The following NEXMIF variants were observed in gnomAD, a reference collection of about 807,000 sequenced individuals.
NEXMIF encodes the protein neurite extension and migration factor, also known as XLMR protein related to neurite extension.
A neutral mutation model predicts 62.1 loss-of-function variants in NEXMIF; 8 were observed. The observed-to-expected ratio is 0.13, with a 90% CI of 0.08 to 0.23. The LOEUF (loss-of-function observed/expected upper bound fraction) is 0.23, where lower values mean the gene tolerates loss of function less well. Among genes scored for constraint, NEXMIF ranks in the 10% least tolerant of loss-of-function variants. NEXMIF has a pLI of 1.00. For missense variants in NEXMIF, 976 were observed against 1,113.3 expected (o/e 0.88, Z 1.75); for synonymous variants, 404 against 416.6 (o/e 0.97, Z 0.37).
At chrX:74,823,912 A>T (rs2080405972) in intron 1 of NEXMIF, among the ~76,000 whole-genome samples, 1 of 111,867 alleles carries the variant, frequency 8.9e-6, no homozygotes, top group Non-Finnish European at 1.9e-5. Flanking sequence ...TTTCAAAATT[A>T]AAAATTAAAG....
chrX:74,857,323 C>G (rs891581402), intron 1 of NEXMIF, among the ~76,000 whole-genome samples: 4 of 112,244 alleles, frequency 3.6e-5, no homozygotes, highest in African/African-American at 1.3e-4. Flanking sequence ...GCTCCCTGCT[C>G]AGCCAAAGCA....
intron 1 of NEXMIF, among the ~76,000 whole-genome samples, chrX:74,871,379 G>C (rs2080600304): frequency 9.0e-6 from 1 of 111,211 alleles, no homozygotes; most frequent in African/African-American, 3.3e-5. Context: ...AGATCAAAAG[G>C]CAGAGGCAAA....
Position 74,739,418 on chromosome X carries a change from T to C in NEXMIF, c.4538A>G (p.Gln1513Arg). The C allele has an allele frequency of 8.4e-7, 1 of 1,196,815 alleles. No individual in the cohort carries two copies. Among genetic ancestry groups the C allele is most frequent in the African/African-American group, 1.8e-5 (1 of 57,016 alleles). The change falls in exon 4 of 4, where the codon CAG (glutamine) becomes CGG (arginine). Residue 1513 changes from glutamine to arginine, a missense_variant. Physicochemically the swap from Gln to Arg is conservative, Grantham distance 43 (BLOSUM62 1). This residue lies in a region of NEXMIF where 137 missense variants were observed against 128.9 expected (regional missense o/e 1.06). Coordinates refer to ENST00000055682, the MANE Select transcript of NEXMIF (RefSeq NM_001008537.3). The stretch of plus-strand genomic sequence containing the variant: ...AAAACACAAACATCAAATGTCTTTC[T>C]GGAAAATGCGAGTCTCTTCTTCAAA... ...PVFEEETRIF[Q>R]KDI
At chrX:74,821,456 GA>G (rs1229995526) in intron 1 of NEXMIF, among the ~76,000 whole-genome samples, 1 of 111,525 alleles carries the variant, frequency 9.0e-6, no homozygotes, top group Non-Finnish European at 1.9e-5. Context: ...AATGATTCCT[GA>G]AAGGGGAAAA....
At chrX:74,754,244 G>T (rs2080152630) in intron 1 of NEXMIF, among the ~76,000 whole-genome samples, 1 of 110,788 alleles carries the variant, frequency 9.0e-6, no homozygotes, top group African/African-American at 3.3e-5. Context: ...TTACAGGCGT[G>T]AGCCACTGTG....
chrX:74,779,495 C>T (rs2080239257), intron 1 of NEXMIF, among the ~76,000 whole-genome samples: 1 of 111,834 alleles, frequency 8.9e-6, no homozygotes, highest in Non-Finnish European at 1.9e-5. Flanking sequence ...GTCTCCTTTG[C>T]CAGGCCTTCA....
chrX:74,764,945 G>A (rs1451632993), intron 1 of NEXMIF, among the ~76,000 whole-genome samples: 1 of 111,271 alleles, frequency 9.0e-6, no homozygotes, highest in Non-Finnish European at 1.9e-5. Flanking sequence ...AGGTCCATTT[G>A]GTCCAATGTT....
intron 1 of NEXMIF, among the ~76,000 whole-genome samples, chrX:74,906,795 C>T (rs2080770547): frequency 9.0e-6 from 1 of 111,132 alleles, no homozygotes; most frequent in African/African-American, 3.3e-5. Flanking sequence ...CCCTACTGCC[C>T]TCTCCCAAGA....
chrX:74,884,058 T>A (rs1198617923), intron 1 of NEXMIF, among the ~76,000 whole-genome samples: 1 of 111,445 alleles, frequency 9.0e-6, no homozygotes, highest in African/African-American at 3.3e-5. Context: ...GCTTCATAAG[T>A]GAAGGAGAAA....
chrX:74,899,117 T>C (rs1010423384), intron 1 of NEXMIF, among the ~76,000 whole-genome samples: 1 of 111,362 alleles, frequency 9.0e-6, no homozygotes, highest in African/African-American at 3.3e-5. Flanking sequence ...ACAGCTAACA[T>C]CATACTCATC....
intron 1 of NEXMIF, among the ~76,000 whole-genome samples, chrX:74,864,205 T>C (rs1368398446): frequency 4.5e-5 from 5 of 111,955 alleles, no homozygotes; most frequent in Non-Finnish European, 9.4e-5. Flanking sequence ...TCCTACTCAA[T>C]ATCGTATTGG....
chrX:74,885,758 A>G (rs2080689871), intron 1 of NEXMIF, among the ~76,000 whole-genome samples: 1 of 111,961 alleles, frequency 8.9e-6, no homozygotes, highest in Admixed American at 9.5e-5. Flanking sequence ...AAACTATTCC[A>G]ATCAATAGAA....
At chrX:74,823,026 G>A (rs1324256565) in intron 1 of NEXMIF, among the ~76,000 whole-genome samples, 1 of 111,867 alleles carries the variant, frequency 8.9e-6, no homozygotes, top group Non-Finnish European at 1.9e-5. Flanking sequence ...GCTGCAAAAA[G>A]GAACGAAGTA....
chrX:74,856,888 T>A (rs999794362), intron 1 of NEXMIF, among the ~76,000 whole-genome samples: 2 of 111,775 alleles, frequency 1.8e-5, no homozygotes, highest in African/African-American at 6.5e-5. Flanking sequence ...TGAGACTGCA[T>A]TAAACTCAGT....
At chrX:74,896,845 G>C (rs2080734359) in intron 1 of NEXMIF, among the ~76,000 whole-genome samples, 1 of 111,900 alleles carries the variant, frequency 8.9e-6, no homozygotes, top group Non-Finnish European at 1.9e-5. Context: ...AATTTGATAA[G>C]TGCTGAAAAA....
intron 1 of NEXMIF, among the ~76,000 whole-genome samples, chrX:74,780,839 T>C (rs1405204845): frequency 9.0e-6 from 1 of 111,536 alleles, no homozygotes; most frequent in East Asian, 2.8e-4. Flanking sequence ...GCCTCAAGGC[T>C]AGGAAGTGGT....
At position 74,757,095 on chromosome X, in the gene NEXMIF, T is replaced by C. The variant is rs183852033; in HGVS notation, c.-47-11398A>G. ...ATTTGGGCTCACTTGCAACATCCAATCTGTCCCCTCCAATATAATAGCCTC... is the reference window on the plus strand; with the variant it reads ...ATTTGGGCTCACTTGCAACATCCAACCTGTCCCCTCCAATATAATAGCCTC... On this transcript the variant is annotated intron_variant, in intron 1 of 3. Coordinates refer to ENST00000055682, the MANE Select transcript of NEXMIF (RefSeq NM_001008537.3). Among the ~76,000 whole-genome samples the C allele has an allele frequency of 4.0e-4, 45 of 111,995 alleles. 1 individual carries two copies. In the East Asian group the frequency reaches 0.011, roughly 27 times the overall value.
chrX:74,818,013 T>A (rs1318694229), intron 1 of NEXMIF, among the ~76,000 whole-genome samples: 1 of 110,515 alleles, frequency 9.0e-6, no homozygotes, highest in Non-Finnish European at 1.9e-5. Flanking sequence ...CTCAATAATG[T>A]TAAAATGGCT....
At chrX:74,831,463 G>A (rs910402370) in intron 1 of NEXMIF, among the ~76,000 whole-genome samples, 10 of 107,790 alleles carry the variant, frequency 9.3e-5, no homozygotes, top group African/African-American at 3.0e-4. Flanking sequence ...TTGTCCTTGC[G>A]ATAGTTTGCT....
Sources: allele counts gnomAD v4.1 joint callset (sites outside exome capture counted in the v4.1 genomes callset), GRCh38; gene constraint gnomAD v4.1.1; regional missense constraint gnomAD v4.1.1; transcripts MANE v1.5; gene names NCBI Gene and HGNC (gene_info 2026-07-23, HGNC 2026-07-21).